SNX18: variants seen among roughly 807,000 people sequenced by gnomAD.
The protein encoded by SNX18 is sorting nexin-18.
Under a neutral mutation model 48.7 loss-of-function variants are expected in SNX18, and 35 were observed. The ratio of observed to expected loss-of-function variants is 0.72; its 90% CI spans 0.55 to 0.95. The LOEUF (loss-of-function observed/expected upper bound fraction) is 0.95. Among genes scored for constraint, SNX18 ranks in the 40% least tolerant of loss-of-function variants. SNX18 has a pLI of 0.00. For missense variants in SNX18, 824 were observed against 871.0 expected, an observed-to-expected ratio of 0.95 and a Z score of 0.68; for synonymous variants, 492 against 384.7, an observed-to-expected ratio of 1.28 and a Z score of -3.26.
At chr5:54,645,765 CAT>C in the SNX18 span, 22 of 152,330 alleles carry the variant, frequency 1.4e-4, no homozygotes, top group African/African-American at 4.6e-4. Flanking sequence ...AAGGCAAACC[CAT>C]ATGAGTGTTT....
chr5:54,647,668 A>G, the SNX18 span, among the ~76,000 whole-genome samples: 2 of 152,204 alleles, frequency 1.3e-5, no homozygotes, highest in Non-Finnish European at 2.9e-5. Context: ...GGCAATATTG[A>G]GGAGATTCCC....
the SNX18 span, among the ~76,000 whole-genome samples, chr5:54,614,063 G>C: frequency 6.6e-6 from 1 of 152,212 alleles, no homozygotes; most frequent in Non-Finnish European, 1.5e-5. Context: ...GGATAATTTT[G>C]AGCATGTTCT....
chr5:54,544,895 T>C lies in SNX18; in HGVS notation c.*1463T>C, dbSNP rs1393152141. ...TACTGTTTTTATGAAGTCAAACTTATGCTGCCTCAGAAATCCCTGGGTACT... is the reference window on the plus strand; with the variant it reads ...TACTGTTTTTATGAAGTCAAACTTACGCTGCCTCAGAAATCCCTGGGTACT... On this transcript the variant is annotated 3_prime_UTR_variant, in exon 2 of 2. Transcript: ENST00000381410. 1 of 152,178 alleles carries C rather than the reference T, an allele frequency of 6.6e-6. No individual in the cohort carries two copies. The allele number at this position is 152,178 out of a possible 1,614,324, so 9.4% of individuals were successfully genotyped here.
intron 1 of SNX18, among the ~76,000 whole-genome samples, chr5:54,529,600 G>T (rs1274546186): frequency 6.6e-6 from 1 of 152,052 alleles, no homozygotes; most frequent in Non-Finnish European, 1.5e-5. Context: ...TACGTGATAG[G>T]CAGTATTCCA....
At position 54,527,911 on chromosome 5, in the gene SNX18, A is replaced by C. The variant is rs562093894; in HGVS notation, c.1621+8338A>C. Among the ~76,000 whole-genome samples the C allele has an allele frequency of 4.6e-5, 7 of 152,356 alleles. No homozygotes were observed. In the South Asian group the frequency reaches 1.4e-3, roughly 32 times the overall value. ...TGATGGATAACAGTCTAAAGTGTAC[A>C]GGAAATAAAGATAGAATCTAGATGT... On this transcript the variant is annotated intron_variant, in intron 1 of 1. Coordinates refer to ENST00000381410, the MANE Select transcript of SNX18 (RefSeq NM_001102575.2).
chr5:54,576,785 G>GTTTA, the SNX18 span, among the ~76,000 whole-genome samples: 1 of 128,748 alleles, frequency 7.8e-6, no homozygotes, highest in Non-Finnish European at 1.7e-5. Flanking sequence ...TTGTTTGTTT[G>GTTTA]TTTGTTTGTT....
At chr5:54,629,399 C>A in the SNX18 span, among the ~76,000 whole-genome samples, 1 of 152,234 alleles carries the variant, frequency 6.6e-6, no homozygotes, top group Non-Finnish European at 1.5e-5. Context: ...AAGGCAAATA[C>A]ACATTTCAGT....
At chr5:54,578,547 A>C in the SNX18 span, among the ~76,000 whole-genome samples, 11 of 152,240 alleles carry the variant, frequency 7.2e-5, no homozygotes, top group Admixed American at 3.3e-4. Flanking sequence ...AAGGTCATGA[A>C]GACAGAGGAG....
At chr5:54,586,168 A>C in the SNX18 span, among the ~76,000 whole-genome samples, 1 of 152,224 alleles carries the variant, frequency 6.6e-6, no homozygotes, top group Non-Finnish European at 1.5e-5. Flanking sequence ...CCCTCAAGAC[A>C]GGAAGCAGAA....
At chr5:54,622,737 T>G in the SNX18 span, among the ~76,000 whole-genome samples, 1 of 151,650 alleles carries the variant, frequency 6.6e-6, no homozygotes, top group Non-Finnish European at 1.5e-5. Flanking sequence ...TGTGGTCTAT[T>G]TACATCTATT....
chr5:54,607,750 T>C, the SNX18 span, among the ~76,000 whole-genome samples: 4 of 151,972 alleles, frequency 2.6e-5, no homozygotes, highest in African/African-American at 7.3e-5. Flanking sequence ...CTGGACAACA[T>C]AGCAAAGCCC....
chr5:54,596,784 G>A, the SNX18 span, among the ~76,000 whole-genome samples: 1 of 152,168 alleles, frequency 6.6e-6, no homozygotes, highest in Non-Finnish European at 1.5e-5. Context: ...GCAGCCATCA[G>A]AATGAGGGAA....
chr5:54,614,441 T>C, the SNX18 span, among the ~76,000 whole-genome samples: 3 of 152,190 alleles, frequency 2.0e-5, no homozygotes, highest in East Asian at 1.9e-4. Context: ...TCTGTAATTA[T>C]AGTGAGATAA....
At chr5:54,596,040 C>T in the SNX18 span, among the ~76,000 whole-genome samples, 8 of 152,112 alleles carry the variant, frequency 5.3e-5, no homozygotes, top group Admixed American at 5.2e-4. Flanking sequence ...CTAGGCTGGC[C>T]TTGTGGTCAG....
At chr5:54,571,641 C>T in the SNX18 span, among the ~76,000 whole-genome samples, 52 of 152,220 alleles carry the variant, frequency 3.4e-4, no homozygotes, top group Non-Finnish European at 5.9e-5. Context: ...GGGAAACGCC[C>T]TTGCAAGAAT....
At chr5:54,635,827 T>C in the SNX18 span, among the ~76,000 whole-genome samples, 14 of 152,344 alleles carry the variant, frequency 9.2e-5, no homozygotes, top group African/African-American at 2.4e-4. Context: ...TTTTTGAACA[T>C]TGGCTTCAAC....
At chr5:54,530,397 G>A (rs1282719809) in intron 1 of SNX18, among the ~76,000 whole-genome samples, 2 of 152,136 alleles carry the variant, frequency 1.3e-5, no homozygotes, top group Non-Finnish European at 2.9e-5. Flanking sequence ...GTGATTTCCA[G>A]GCTCACAGAG....
intron 1 of SNX18, among the ~76,000 whole-genome samples, chr5:54,522,291 C>A (rs1048739738): frequency 6.6e-6 from 1 of 152,086 alleles, no homozygotes; most frequent in Non-Finnish European, 1.5e-5. Flanking sequence ...ATCTCAATTC[C>A]GTCACCTCCC....
At chr5:54,632,577 A>G in the SNX18 span, among the ~76,000 whole-genome samples, 8 of 151,946 alleles carry the variant, frequency 5.3e-5, no homozygotes, top group African/African-American at 1.9e-4. Context: ...TGTGGTCTTT[A>G]CCAGAAGCCC....
Sources: gnomAD v4.1 joint callset for allele counts (sites outside exome capture counted in the v4.1 genomes callset) on GRCh38, gnomAD v4.1.1 for gene constraint, MANE v1.5 for transcripts, NCBI Gene and HGNC (gene_info 2026-07-23, HGNC 2026-07-21) for gene names.